Variants in EFHC2 observed in about 807,000 individuals in gnomAD.
EFHC2 encodes EF-hand domain containing 2.
EFHC2 carries 18 observed loss-of-function variants against 52.7 expected under a neutral mutation model. The ratio of observed to expected loss-of-function variants is 0.34; its 90% CI spans 0.24 to 0.51. EFHC2 has a LOEUF of 0.51. EFHC2 is among the 20% of genes least tolerant of loss of function. EFHC2 has a pLI of 0.97. For synonymous variants in EFHC2, 203 were observed against 204.1 expected (o/e 0.99, Z 0.04); for missense variants, 513 against 562.5 (o/e 0.91, Z 0.89).
chrX:44,250,718 G>A (rs1180296239), intron 4 of EFHC2, among the ~76,000 whole-genome samples: 3 of 105,531 alleles, frequency 2.8e-5, no homozygotes, highest in African/African-American at 1.0e-4. Context: ...CCAGCTACTT[G>A]GGAGGCTGAG....
At position 44,148,697 on chromosome X, in the gene EFHC2, C is replaced by T. The variant is rs1257546558; in HGVS notation, c.*98G>A. The T allele has an allele frequency of 4.2e-6, 3 of 720,090 alleles. No individual in the cohort carries two copies. The highest frequency in any genetic ancestry group is 6.1e-6 in the Non-Finnish European group (3 of 495,736). The allele number at this position is 720,090 out of a possible 1,213,427, so 59.3% of individuals were successfully genotyped here. A position where few individuals can be genotyped will look rare whatever the true frequency, so the allele number is the denominator to read the frequency against. ...TTATGGATTTCCATTTAATATAAAC[C>T]TTGTTTCTTTTTTGTTTTTAATGAA... On this transcript the variant is annotated 3_prime_UTR_variant, in exon 15 of 15. Transcript: ENST00000420999.
chrX:44,240,044 C>T (rs1444190235), intron 8 of EFHC2, among the ~76,000 whole-genome samples: 1 of 112,099 alleles, frequency 8.9e-6, no homozygotes, highest in Non-Finnish European at 1.9e-5. Context: ...TTTTTAATAG[C>T]AATATATATA....
At chrX:44,311,664 A>G (rs996162742) in intron 2 of EFHC2, among the ~76,000 whole-genome samples, 5 of 112,011 alleles carry the variant, frequency 4.5e-5, no homozygotes, top group African/African-American at 1.6e-4. Flanking sequence ...GTCCATATGT[A>G]TATGTGTGTG....
At chrX:44,227,133 G>A (rs1200260125) in intron 11 of EFHC2, among the ~76,000 whole-genome samples, 2 of 110,252 alleles carry the variant, frequency 1.8e-5, no homozygotes, top group Non-Finnish European at 3.8e-5. Flanking sequence ...AGAAAGAGAA[G>A]GTCCCTGCCC....
At chrX:44,188,325 A>G (rs1020374876) in intron 11 of EFHC2, among the ~76,000 whole-genome samples, 1 of 111,739 alleles carries the variant, frequency 8.9e-6, no homozygotes, top group Non-Finnish European at 1.9e-5. Context: ...ATGATGTCTC[A>G]TTTTAATCAA....
intron 2 of EFHC2, among the ~76,000 whole-genome samples, chrX:44,292,015 C>G (rs2037795511): frequency 9.0e-6 from 1 of 111,307 alleles, no homozygotes; most frequent in African/African-American, 3.3e-5. Flanking sequence ...AGGGGGTCAC[C>G]CTATCCTGCA....
At chrX:44,343,009 C>G (rs57394439) in intron 1 of EFHC2, among the ~76,000 whole-genome samples, 4,625 of 110,413 alleles carry the variant, frequency 0.042, 256 homozygotes, top group African/African-American at 0.15. Flanking sequence ...CTGCCACCTA[C>G]CCCTCTTGAT....
In EFHC2 at chrX:44,235,419, A is replaced by C; in HGVS notation, c.1309T>G (p.Phe437Val). ...SYGSKSNILR[F>V]FAKLVTDKCV... The stretch of plus-strand genomic sequence containing the variant: ...TTGTCTGTGACTAGTTTTGCAAAAA[A>C]ACGGAGTATATTGCTTTTGGAGCCA... The change falls in exon 9 of 15, where the codon TTT becomes GTT. Residue 437 changes from phenylalanine to valine, a missense_variant. Physicochemically the swap from Phe to Val is conservative, Grantham distance 50. Coordinates refer to ENST00000420999, the MANE Select transcript of EFHC2 (RefSeq NM_025184.4). The C allele has an allele frequency of 1.7e-6, 2 of 1,197,328 alleles. No homozygotes were observed. Among genetic ancestry groups the C allele is most frequent in the Non-Finnish European group, 2.3e-6 (2 of 888,053 alleles).
intron 9 of EFHC2, among the ~76,000 whole-genome samples, chrX:44,234,312 A>G (rs1039717668): frequency 8.9e-6 from 1 of 112,170 alleles, no homozygotes; most frequent in African/African-American, 3.2e-5. Context: ...CATCTTCCCC[A>G]TTCTAAGTGT....
intron 13 of EFHC2, among the ~76,000 whole-genome samples, chrX:44,170,315 A>T (rs1049697527): frequency 1.7e-4 from 19 of 111,274 alleles, no homozygotes; most frequent in African/African-American, 6.2e-4. Flanking sequence ...GTGATTTTTC[A>T]TGCCATCATT....
In EFHC2 at chrX:44,148,382, G is replaced by A. The variant is rs936954513; in HGVS notation, c.*413C>T. ...AAACTTAATTATGTAAGTAATAAACGTGTCAAAAAGGTTTCAAAAATGTTT... is the reference window on the plus strand; with the variant it reads ...AAACTTAATTATGTAAGTAATAAACATGTCAAAAAGGTTTCAAAAATGTTT... On this transcript the variant is annotated 3_prime_UTR_variant, in exon 15 of 15. Coordinates refer to ENST00000420999, the MANE Select transcript of EFHC2 (RefSeq NM_025184.4). 9.9e-5 allele frequency: 12 copies of A among 120,973 alleles called. No individual in the cohort carries two copies. In the East Asian group the frequency reaches 1.4e-3, roughly 14 times the overall value. 10.0% of individuals were successfully genotyped at this position (120,973 alleles called of 1,213,427 possible). A position where few individuals can be genotyped will look rare whatever the true frequency, so the allele number is the denominator to read the frequency against.
At chrX:44,205,852 C>T (rs1050191498) in intron 11 of EFHC2, among the ~76,000 whole-genome samples, 7 of 111,665 alleles carry the variant, frequency 6.3e-5, no homozygotes, top group African/African-American at 2.3e-4. Flanking sequence ...AAACTCTGCA[C>T]TTAAGTTGGA....
chrX:44,186,955 C>T (rs900309838), intron 11 of EFHC2, among the ~76,000 whole-genome samples: 6 of 106,593 alleles, frequency 5.6e-5, no homozygotes, highest in African/African-American at 2.1e-4. Flanking sequence ...CCATCTCTAC[C>T]AAAACGTTAA....
chrX:44,300,570 T>G (rs770802526), intron 2 of EFHC2, among the ~76,000 whole-genome samples: 2 of 112,288 alleles, frequency 1.8e-5, no homozygotes, highest in East Asian at 5.6e-4. Flanking sequence ...CAAGCTGTCC[T>G]TGTTCATTCT....
In EFHC2 at chrX:44,250,287, C is replaced by T. The variant is rs2037432293; in HGVS notation, c.765G>A (p.Leu255=). The change falls in exon 5 of 15, where the codon TTG becomes TTA. Residue 255 remains leucine, a synonymous_variant. Coordinates refer to ENST00000420999, the MANE Select transcript of EFHC2 (RefSeq NM_025184.4). The part of the protein sequence containing the change: ...DRRELILHYF[L]CDDTIEIKEL... ...CTTTGATTTCAATAGTATCATCACA[C>T]AAGAAGTAATGCAGGATGAGTTCTC... The T allele has an allele frequency of 8.3e-7, 1 of 1,209,257 alleles. No homozygotes were observed. The highest frequency in any genetic ancestry group is 1.8e-5 in the African/African-American group (1 of 57,015).
chrX:44,195,265 G>A (rs1021269981), intron 11 of EFHC2, among the ~76,000 whole-genome samples: 8 of 111,221 alleles, frequency 7.2e-5, no homozygotes, highest in African/African-American at 2.3e-4. Flanking sequence ...TTCTGCCATC[G>A]CCATGAGAAC....
At chrX:44,204,453 A>C (rs1028894008) in intron 11 of EFHC2, among the ~76,000 whole-genome samples, 2 of 111,835 alleles carry the variant, frequency 1.8e-5, no homozygotes, top group African/African-American at 6.5e-5. Context: ...TCCAAGAGAA[A>C]GTTGAAATCC....
At chrX:44,207,950 T>C (rs2037061231) in intron 11 of EFHC2, among the ~76,000 whole-genome samples, 1 of 112,041 alleles carries the variant, frequency 8.9e-6, no homozygotes, top group Non-Finnish European at 1.9e-5. Flanking sequence ...AAATAAGATA[T>C]CATCTCACGC....
chrX:44,198,198 C>G (rs1309762037), intron 11 of EFHC2, among the ~76,000 whole-genome samples: 1 of 111,359 alleles, frequency 9.0e-6, no homozygotes, highest in East Asian at 2.8e-4. Flanking sequence ...AAGAGTTGGT[C>G]CTTTTTCCAC....
Sources: gnomAD v4.1 joint callset for allele counts (sites outside exome capture counted in the v4.1 genomes callset) on GRCh38, gnomAD v4.1.1 for gene constraint, MANE v1.5 for transcripts, NCBI Gene and HGNC (gene_info 2026-07-23, HGNC 2026-07-21) for gene names.